The following PFKFB3 variants were observed in gnomAD, a reference collection of about 807,000 sequenced individuals.
PFKFB3 encodes the protein 6-phosphofructo-2-kinase/fructose-2,6-biphosphatase 3.
A neutral mutation model predicts 68.0 loss-of-function variants in PFKFB3; 33 were observed. The ratio of observed to expected loss-of-function variants is 0.49; its 90% CI spans 0.37 to 0.65. The LOEUF (loss-of-function observed/expected upper bound fraction) is 0.65, where lower values mean the gene tolerates loss of function less well. PFKFB3 is among the 30% of genes least tolerant of loss of function. The probability of loss-of-function intolerance (pLI) is 0.00; values close to 1 mark genes in which losing one functional copy is unlikely to be tolerated. For missense variants in PFKFB3, 586 were observed against 712.2 expected (o/e 0.82, Z 2.02); for synonymous variants, 315 against 288.2 (o/e 1.09, Z -0.94).
At chr10:6,196,128 CTT>C (rs59491432) in intron 1 of PFKFB3, among the ~76,000 whole-genome samples, 2 of 140,812 alleles carry the variant, frequency 1.4e-5, no homozygotes, top group Admixed American at 7.1e-5. Flanking sequence ...GTGAGCTTGC[CTT>C]TTTTTTTTTT....
chr10:6,268,000 C>A, the PFKFB3 span, among the ~76,000 whole-genome samples: 2 of 147,218 alleles, frequency 1.4e-5, no homozygotes, highest in Non-Finnish European at 3.0e-5. Context: ...GAATTTCAAG[C>A]TGGCAATGAC....
intron 1 of PFKFB3, among the ~76,000 whole-genome samples, chr10:6,150,764 G>A (rs1588378752): frequency 1.3e-5 from 2 of 152,062 alleles, no homozygotes; most frequent in East Asian, 1.9e-4. Flanking sequence ...TCGGGAGGCC[G>A]AGGCGAGTGG....
intron 1 of PFKFB3, among the ~76,000 whole-genome samples, chr10:6,211,063 A>G (rs1588488649): frequency 6.6e-6 from 1 of 152,006 alleles, no homozygotes; most frequent in South Asian, 2.1e-4. Context: ...ATCCCCAGTT[A>G]TAGCGCCCCT....
At chr10:6,252,968 G>C (rs1371087119) in intron 14 of PFKFB3, among the ~76,000 whole-genome samples, 1 of 152,196 alleles carries the variant, frequency 6.6e-6, no homozygotes, top group African/African-American at 2.4e-5. Context: ...ACCCAGGCTA[G>C]AGTGCAGTGG....
chr10:6,289,941 T>C, the PFKFB3 span, among the ~76,000 whole-genome samples: 1 of 152,268 alleles, frequency 6.6e-6, no homozygotes, highest in East Asian at 1.9e-4. Flanking sequence ...GTTGGATTCC[T>C]AGGTATTTTA....
the PFKFB3 span, among the ~76,000 whole-genome samples, chr10:6,272,154 C>T: frequency 2.0e-5 from 3 of 152,110 alleles, no homozygotes; most frequent in African/African-American, 7.2e-5. Context: ...TGCAAAGCAC[C>T]CCGAGTTCAC....
the PFKFB3 span, among the ~76,000 whole-genome samples, chr10:6,278,988 C>T: frequency 0.076 from 11,626 of 152,198 alleles, 1,500 homozygotes; most frequent in African/African-American, 0.26. Context: ...TATAGGGCTG[C>T]GGCGAGAATT....
chr10:6,307,510 T>TTTCC, the PFKFB3 span, among the ~76,000 whole-genome samples: 10,046 of 115,912 alleles, frequency 0.087, 516 homozygotes, highest in African/African-American at 0.12. Flanking sequence ...TCCTTCTCTT[T>TTTCC]TTCCTTCCTT....
chr10:6,231,362 T>C (rs1845731830), intron 14 of PFKFB3: 1 of 1,611,036 alleles, frequency 6.2e-7, no homozygotes, highest in Middle Eastern at 1.7e-4. Flanking sequence ...CGTCACGGCA[T>C]CTGGGTCTGT....
the PFKFB3 span, among the ~76,000 whole-genome samples, chr10:6,275,894 T>C: frequency 6.6e-6 from 1 of 152,180 alleles, no homozygotes; most frequent in Non-Finnish European, 1.5e-5. The surrounding 1 kb of genome is among the most constrained non-coding windows in gnomAD (Gnocchi z 4.9). Flanking sequence ...GCTTTCTCCA[T>C]GTGGAGGGTG....
chr10:6,206,937 A>G lies in PFKFB3; in HGVS notation c.76+3601A>G, dbSNP rs796101223. On this transcript the variant is annotated intron_variant, in intron 1 of 14. Coordinates refer to ENST00000379775, the MANE Select transcript of PFKFB3 (RefSeq NM_004566.4). ...AGACGATGGGCGGCCAGGCAGAGACACTCCTCACTTTCCAGACTGGGCAGC... is the reference window on the plus strand; with the variant it reads ...AGACGATGGGCGGCCAGGCAGAGACGCTCCTCACTTTCCAGACTGGGCAGC... 4.6e-3 allele frequency among the ~76,000 whole-genome samples: 466 copies of G among 101,920 alleles called. 2 individuals are homozygous for G. Among genetic ancestry groups the G allele is most frequent in the Middle Eastern group, 0.012 (2 of 170 alleles). 66.9% of individuals were successfully genotyped at this position (101,920 alleles called of 152,430 possible). A position where few individuals can be genotyped will look rare whatever the true frequency, so the allele number is the denominator to read the frequency against.
At chr10:6,192,016 AGTAT>A (rs1843036720) in intron 1 of PFKFB3, among the ~76,000 whole-genome samples, 2 of 77,318 alleles carry the variant, frequency 2.6e-5, no homozygotes, top group Non-Finnish European at 6.8e-5. Flanking sequence ...TCCCTAGATG[AGTAT>A]TTTTTTTAAC....
In PFKFB3 at chr10:6,150,211, G is replaced by C. The variant is rs186116595; in HGVS notation, c.16+5198G>C. Among the ~76,000 whole-genome samples the C allele has an allele frequency of 7.7e-4, 118 of 152,324 alleles. 2 individuals carry two copies. The highest frequency in any genetic ancestry group is 2.7e-3 in the African/African-American group (113 of 41,578). Reference sequence around the variant, plus strand: ...CATGGTAACTTGGAGAGCTATTTGAGTTACGGTCTATACCTCATGCTTATA... The same window carrying C: ...CATGGTAACTTGGAGAGCTATTTGACTTACGGTCTATACCTCATGCTTATA... On this transcript the variant is annotated intron_variant, in intron 1 of 14. Coordinates refer to the PFKFB3 transcript ENST00000379789.
the PFKFB3 span, among the ~76,000 whole-genome samples, chr10:6,325,498 T>A: frequency 6.6e-6 from 1 of 152,158 alleles, no homozygotes; most frequent in Non-Finnish European, 1.5e-5. Context: ...TCACACACAA[T>A]GAATATTTAT....
the PFKFB3 span, among the ~76,000 whole-genome samples, chr10:6,286,789 G>T: frequency 6.6e-6 from 1 of 152,140 alleles, no homozygotes; most frequent in African/African-American, 2.4e-5. Flanking sequence ...TTGCCTCATT[G>T]TCCTTGCTGT....
In PFKFB3 at chr10:6,229,664, G is replaced by A. The variant is rs1015477431; in HGVS notation, c.1516-3231G>A. ...GCCAGCGTGCAGTGCTTCAGGATCT[G>A]GGCTTCTCCTTGTGTGAAACTTTTT... is the stretch of plus-strand genomic sequence containing the variant. On this transcript the variant is annotated intron_variant, in intron 14 of 14. Coordinates refer to ENST00000379775, the MANE Select transcript of PFKFB3 (RefSeq NM_004566.4). This position sits in a 1 kb window ranked among gnomAD's most constrained non-coding sequence, Gnocchi z 4.3. Among the ~76,000 whole-genome samples the A allele has an allele frequency of 6.6e-6, 1 of 152,164 alleles. No homozygotes were observed. Among genetic ancestry groups the A allele is most frequent in the Non-Finnish European group, 1.5e-5 (1 of 68,032 alleles).
In PFKFB3 at chr10:6,229,091, C is replaced by T; in HGVS notation, c.1515+2726C>T. Reference sequence around the variant, plus strand: ...ATTTCCTGTTTGCTCCTTAAGTTACCTTAACTACTTTATGCAGAAACTGGA... The same window carrying T: ...ATTTCCTGTTTGCTCCTTAAGTTACTTTAACTACTTTATGCAGAAACTGGA... On this transcript the variant is annotated intron_variant, in intron 14 of 14. Transcript: ENST00000379775. This position sits in a 1 kb window ranked among gnomAD's most constrained non-coding sequence, Gnocchi z 4.3. The T allele has an allele frequency of 1.9e-6, 1 of 530,812 alleles. No individual in the cohort carries two copies. The highest frequency in any genetic ancestry group is 3.9e-6 in the Non-Finnish European group (1 of 258,742). The allele number at this position is 530,812 out of a possible 1,614,324, so 32.9% of individuals were successfully genotyped here. A position where few individuals can be genotyped will look rare whatever the true frequency, so the allele number is the denominator to read the frequency against.
Position 6,220,593 on chromosome 10 carries a change from G to C in PFKFB3, c.624-65G>C. The C allele has an allele frequency of 6.9e-7, 1 of 1,449,178 alleles. No individual in the cohort carries two copies. The highest frequency in any genetic ancestry group is 9.7e-7 in the Non-Finnish European group (1 of 1,035,170). 89.8% of individuals were successfully genotyped at this position (1,449,178 alleles called of 1,614,324 possible). A position where few individuals can be genotyped will look rare whatever the true frequency, so the allele number is the denominator to read the frequency against. ...CTCTGGGGATCACATCTTCGGAGAC[G>C]GGCCAGGTGCATCCTGCTGTGGGTG... is the stretch of plus-strand genomic sequence containing the variant. On this transcript the variant is annotated intron_variant, in intron 7 of 14. Coordinates refer to ENST00000379775, the MANE Select transcript of PFKFB3 (RefSeq NM_004566.4). This position sits in a 1 kb window ranked among gnomAD's most constrained non-coding sequence, Gnocchi z 4.1.
chr10:6,177,349 CT>C lies in PFKFB3; in HGVS notation c.16+32340del, dbSNP rs1302989251. Among the ~76,000 whole-genome samples, 5 of 85,274 alleles carry C rather than the reference CT, an allele frequency of 5.9e-5. No individual in the cohort carries two copies. In the Admixed American group the frequency reaches 6.0e-4, roughly 10 times the overall value. The allele number at this position is 85,274 out of a possible 152,430, so 55.9% of individuals were successfully genotyped here. A position where few individuals can be genotyped will look rare whatever the true frequency, so the allele number is the denominator to read the frequency against. On this transcript the variant is annotated intron_variant, in intron 1 of 14. Transcript: ENST00000379789. ...ACGGAGTTTGTGGGATGTTTCTTTT[CT>C]TTTCTCTTTCTTTCTTTCTTTCTTT...
Sources: gnomAD v4.1 joint callset for allele counts (sites outside exome capture counted in the v4.1 genomes callset) on GRCh38, gnomAD v4.1.1 for gene constraint, Gnocchi (gnomAD v3.1) non-coding constraint, MANE v1.5 for transcripts, NCBI Gene and HGNC (gene_info 2026-07-23, HGNC 2026-07-21) for gene names.